Variants in PRDM16 observed in about 807,000 individuals in gnomAD.
PRDM16 encodes the protein histone-lysine N-methyltransferase PRDM16.
Under a neutral mutation model 110.6 loss-of-function variants are expected in PRDM16, and 23 were observed. That is an observed-to-expected ratio of 0.21 (90% CI 0.15 to 0.29). PRDM16 has a LOEUF of 0.29. Among genes scored for constraint, PRDM16 ranks in the 10% least tolerant of loss-of-function variants. The probability of loss-of-function intolerance (pLI) is 1.00; values close to 1 mark genes in which losing one functional copy is unlikely to be tolerated. For missense variants in PRDM16, 1,615 were observed against 1,794.3 expected (o/e 0.90, Z 1.81); for synonymous variants, 799 against 781.8 (o/e 1.02, Z -0.37).
chr1:3,358,116 C>T lies in PRDM16; in HGVS notation c.439-27036C>T, dbSNP rs907631076. On this transcript the variant is annotated intron_variant, in intron 3 of 16. Transcript: ENST00000270722. The surrounding 1 kb of genome is among the most constrained non-coding windows in gnomAD (Gnocchi z 4.0). ...CACGCGTGGGTCCATCCCGGAACCA[C>T]ACAGTGGGCCTGGCCATGACCCCCT... Among the ~76,000 whole-genome samples, 6 of 152,224 alleles carry T rather than the reference C, an allele frequency of 3.9e-5. No homozygotes were observed. Among genetic ancestry groups the T allele is most frequent in the African/African-American group, 1.4e-4 (6 of 41,464 alleles).
At chr1:3,421,318 T>C (rs1270260006) in intron 12 of PRDM16, among the ~76,000 whole-genome samples, 1 of 152,130 alleles carries the variant, frequency 6.6e-6, no homozygotes, top group African/African-American at 2.4e-5. Context: ...GCCAATGGCT[T>C]CTCTGGGAGT....
intron 1 of PRDM16, among the ~76,000 whole-genome samples, chr1:3,185,643 C>T (rs1043128510): frequency 6.6e-6 from 1 of 152,238 alleles, no homozygotes; most frequent in Non-Finnish European, 1.5e-5. Context: ...GGACTTCTGC[C>T]GTCCCTGATT....
At position 3,255,556 on chromosome 1, in the gene PRDM16, G is replaced by C. The variant is rs936517605; in HGVS notation, c.438+11419G>C. Among the ~76,000 whole-genome samples the C allele has an allele frequency of 3.3e-5, 5 of 152,146 alleles. No individual in the cohort carries two copies. The highest frequency in any genetic ancestry group is 5.9e-5 in the Non-Finnish European group (4 of 68,030). Reference sequence around the variant, plus strand: ...GGCCACAGTGGCACGGGGAGGGGGCGGGAGACACAAGCCATCCCCTAACTC... The same window carrying C: ...GGCCACAGTGGCACGGGGAGGGGGCCGGAGACACAAGCCATCCCCTAACTC... On this transcript the variant is annotated intron_variant, in intron 3 of 16. Transcript: ENST00000270722. This position sits in a 1 kb window ranked among gnomAD's most constrained non-coding sequence, Gnocchi z 4.7.
rs1642669218 is a variant in PRDM16, at chr1:3,359,280, T to C, written c.439-25872T>C. Among the ~76,000 whole-genome samples the C allele has an allele frequency of 6.6e-6, 1 of 152,172 alleles. No homozygotes were observed. The highest frequency in any genetic ancestry group is 2.4e-5 in the African/African-American group (1 of 41,436). On this transcript the variant is annotated intron_variant, in intron 3 of 16. Coordinates refer to ENST00000270722, the MANE Select transcript of PRDM16 (RefSeq NM_022114.4). This position sits in a 1 kb window ranked among gnomAD's most constrained non-coding sequence, Gnocchi z 4.3. ...ATACACATTTTTAAATGCAGACTTG[T>C]TGAAGTTGCTGACCCTCCTGGCCAA... is the stretch of plus-strand genomic sequence containing the variant.
At chr1:3,321,554 G>A (rs1445576241) in intron 3 of PRDM16, among the ~76,000 whole-genome samples, 3 of 151,670 alleles carry the variant, frequency 2.0e-5, no homozygotes, top group African/African-American at 7.3e-5. Flanking sequence ...GTTTGTGTGT[G>A]AGTGCAAATG....
intron 8 of PRDM16, among the ~76,000 whole-genome samples, chr1:3,406,785 C>G: frequency 6.6e-6 from 1 of 152,122 alleles, no homozygotes; most frequent in Non-Finnish European, 1.5e-5. Context: ...TCACCAGGGC[C>G]GGGTCCAAGG....
chr1:3,215,281 T>G (rs1345807038), intron 2 of PRDM16, among the ~76,000 whole-genome samples: 1 of 142,894 alleles, frequency 7.0e-6, no homozygotes, highest in Non-Finnish European at 1.5e-5. Context: ...GTGTGGATGA[T>G]CCACAGGTGC....
In PRDM16 at chr1:3,435,694, G is replaced by A. The variant is rs1005379830; in HGVS notation, c.*1883G>A. On this transcript the variant is annotated 3_prime_UTR_variant, in exon 17 of 17. Transcript: ENST00000270722. ...CATCTCCTCAGGCTTTGTGTCACGC[G>A]TGGACATCTCCTCAGGCTGTCCCCA... 2.6e-5 allele frequency: 6 copies of A among 232,688 alleles called. No individual in the cohort carries two copies. The highest frequency in any genetic ancestry group is 1.7e-4 in the Admixed American group (3 of 17,784). The allele number at this position is 232,688 out of a possible 1,614,324, so 14.4% of individuals were successfully genotyped here. A position where few individuals can be genotyped will look rare whatever the true frequency, so the allele number is the denominator to read the frequency against.
chr1:3,224,342 C>T (rs928681383), intron 2 of PRDM16, among the ~76,000 whole-genome samples: 5 of 152,184 alleles, frequency 3.3e-5, no homozygotes, highest in East Asian at 1.9e-4. Flanking sequence ...ACCTGGGTGC[C>T]GTGTTATGGG....
chr1:3,074,735 C>T (rs953713409), intron 1 of PRDM16, among the ~76,000 whole-genome samples: 3 of 152,202 alleles, frequency 2.0e-5, no homozygotes, highest in Non-Finnish European at 2.9e-5. Context: ...CAGGTTGGCC[C>T]GGGAGGTGTA....
intron 4 of PRDM16, among the ~76,000 whole-genome samples, chr1:3,385,597 G>A (rs1159017595): frequency 2.0e-5 from 3 of 152,226 alleles, no homozygotes; most frequent in Non-Finnish European, 4.4e-5. Context: ...GGATCACAGG[G>A]TCCACACTTC....
intron 3 of PRDM16, among the ~76,000 whole-genome samples, chr1:3,275,970 C>T (rs1457950662): frequency 6.6e-6 from 1 of 152,214 alleles, no homozygotes; most frequent in Non-Finnish European, 1.5e-5. Context: ...TCTGTGCACT[C>T]CAGCACACGC....
At chr1:3,229,431 C>CTAA (rs58620949) in intron 2 of PRDM16, among the ~76,000 whole-genome samples, 56,987 of 152,012 alleles carry the variant, frequency 0.37, 15,645 homozygotes, top group African/African-American at 0.76. Flanking sequence ...TTCTCCTGCA[C>CTAA]TAAAGGACAT....
chr1:3,118,924 C>T lies in PRDM16; in HGVS notation c.37+49628C>T, dbSNP rs569589871. ...TCAAAGAAAGGCCTGGGAGAGCCCCCTGCCCGACCTTCTAAGGCATTTTGG... is the reference window on the plus strand; with the variant it reads ...TCAAAGAAAGGCCTGGGAGAGCCCCTTGCCCGACCTTCTAAGGCATTTTGG... On this transcript the variant is annotated intron_variant, in intron 1 of 16. Coordinates refer to ENST00000270722, the MANE Select transcript of PRDM16 (RefSeq NM_022114.4). Among the ~76,000 whole-genome samples the T allele has an allele frequency of 7.2e-5, 11 of 152,358 alleles. 1 individual carries two copies. The South Asian group carries it at 1.9e-3, about 26-fold the overall frequency.
intron 3 of PRDM16, among the ~76,000 whole-genome samples, chr1:3,379,188 ACACACCCCTCCCAG>A: frequency 1.4e-5 from 1 of 69,250 alleles, no homozygotes; most frequent in South Asian, 9.3e-4. Context: ...ACCCCTCCCA[ACACACCCCTCCCAG>A]CACACCTCTC....
At chr1:3,431,391 C>T (rs986784578) in intron 15 of PRDM16, among the ~76,000 whole-genome samples, 6 of 152,172 alleles carry the variant, frequency 3.9e-5, no homozygotes, top group African/African-American at 4.8e-5. Context: ...TGGAGGCCCC[C>T]GGCCCTGCAG....
chr1:3,111,623 A>G (rs1261347023), intron 1 of PRDM16, among the ~76,000 whole-genome samples: 1 of 152,006 alleles, frequency 6.6e-6, no homozygotes, highest in Non-Finnish European at 1.5e-5. Context: ...CAGCGCACGG[A>G]AAGGAGGCGC....
intron 1 of PRDM16, among the ~76,000 whole-genome samples, chr1:3,155,142 G>T (rs763419899): frequency 2.6e-5 from 4 of 152,194 alleles, no homozygotes; most frequent in Non-Finnish European, 5.9e-5. Context: ...AGGGACCCCA[G>T]ATTGGAGAGA....
At chr1:3,091,368 G>A (rs531972207) in intron 1 of PRDM16, among the ~76,000 whole-genome samples, 8 of 152,294 alleles carry the variant, frequency 5.3e-5, no homozygotes, top group Non-Finnish European at 7.3e-5. Context: ...GGCCCGCACC[G>A]AGACGACAGC....
Sources: allele counts gnomAD v4.1 joint callset (sites outside exome capture counted in the v4.1 genomes callset), GRCh38; gene constraint gnomAD v4.1.1; non-coding constraint Gnocchi (gnomAD v3.1); transcripts MANE v1.5; gene names NCBI Gene and HGNC (gene_info 2026-07-23, HGNC 2026-07-21).